PANK1: variants seen among roughly 807,000 people sequenced by gnomAD.
PANK1 encodes the protein pantothenate kinase 1.
A neutral mutation model predicts 40.1 loss-of-function variants in PANK1; 18 were observed. The observed-to-expected ratio is 0.45, with a 90% CI of 0.31 to 0.67. The LOEUF is 0.67. PANK1 is among the 30% of genes least tolerant of loss of function. The probability of loss-of-function intolerance (pLI) is 0.06; values close to 1 mark genes in which losing one functional copy is unlikely to be tolerated. For missense variants in PANK1, 457 were observed against 599.6 expected, an observed-to-expected ratio of 0.76 and a Z score of 2.48; for synonymous variants, 242 against 237.7, an observed-to-expected ratio of 1.02 and a Z score of -0.17.
At chr10:89,599,907 C>A (rs1564622180) in intron 2 of PANK1, among the ~76,000 whole-genome samples, 1 of 151,978 alleles carries the variant, frequency 6.6e-6, no homozygotes, top group African/African-American at 2.4e-5. Context: ...TTGGGGTGGG[C>A]CCTGAGTCCA....
rs1385155320 is a variant in PANK1 at position 89,592,715 on chromosome 10, G to C, written c.1200+482C>G. The C allele has an allele frequency of 7.5e-6, 4 of 533,990 alleles. No individual in the cohort carries two copies. In the African/African-American group the frequency reaches 7.7e-5, roughly 10 times the overall value. 33.1% of individuals were successfully genotyped at this position (533,990 alleles called of 1,614,324 possible). On this transcript the variant is annotated intron_variant, in intron 5 of 6. Coordinates refer to ENST00000307534, the MANE Select transcript of PANK1 (RefSeq NM_148977.3). ...CCAGCTCCACCCCTTTTTGTGCCTG[G>C]GACTCTGGCTGGCCTTGGCTGTAGC...
At position 89,583,708 on chromosome 10, in the gene PANK1, C is replaced by T. The variant is rs1163703022; in HGVS notation, c.*698G>A. ...TCATTAACACATTCAGTCTTCTCTT[C>T]ACGGGCATTTTCAAGAGCTTTAGAT... On this transcript the variant is annotated 3_prime_UTR_variant, in exon 7 of 7. Transcript: ENST00000307534. 2 of 152,276 alleles carry T rather than the reference C, an allele frequency of 1.3e-5. No homozygotes were observed. Among genetic ancestry groups the T allele is most frequent in the East Asian group, 3.9e-4 (2 of 5,192 alleles). 9.4% of individuals were successfully genotyped at this position (152,276 alleles called of 1,614,324 possible).
At chr10:89,594,685 T>A (rs1844511966) in intron 3 of PANK1, among the ~76,000 whole-genome samples, 1 of 152,188 alleles carries the variant, frequency 6.6e-6, no homozygotes, top group Non-Finnish European at 1.5e-5. Flanking sequence ...GTAACAAAGG[T>A]CATAAAGTGG....
At chr10:89,622,350 G>A (rs146447758) in intron 1 of PANK1, among the ~76,000 whole-genome samples, 35 of 152,204 alleles carry the variant, frequency 2.3e-4, no homozygotes, top group African/African-American at 7.9e-4. Flanking sequence ...TTAGTTATAA[G>A]GTAATTACCC....
chr10:89,599,212 A>G, intron 3 of PANK1, 40 bp downstream of exon 3: 1 of 1,575,524 alleles, frequency 6.3e-7, no homozygotes, highest in Non-Finnish European at 8.6e-7. Context: ...GGTCATCAAG[A>G]AAGAGGTCTG....
At chr10:89,628,764 C>T (rs1383684277) in intron 1 of PANK1, among the ~76,000 whole-genome samples, 5 of 152,188 alleles carry the variant, frequency 3.3e-5, no homozygotes, top group East Asian at 3.8e-4. Context: ...CTAAAATGCA[C>T]AACCCACTTC....
chr10:89,610,546 T>A (rs545002652), intron 2 of PANK1, among the ~76,000 whole-genome samples: 16 of 152,174 alleles, frequency 1.1e-4, no homozygotes, highest in Non-Finnish European at 1.6e-4. Context: ...TTACAGAAAC[T>A]TACTATAATC....
intron 1 of PANK1, among the ~76,000 whole-genome samples, chr10:89,640,239 A>T (rs963145318): frequency 2.0e-5 from 3 of 152,222 alleles, no homozygotes; most frequent in Admixed American, 2.0e-4. Context: ...GGGTAAATCG[A>T]AGCTACTGTC....
intron 1 of PANK1, among the ~76,000 whole-genome samples, chr10:89,624,840 T>C (rs1366818923): frequency 6.6e-6 from 1 of 152,220 alleles, no homozygotes; most frequent in African/African-American, 2.4e-5. Flanking sequence ...TAATTCTCAC[T>C]AGTCAAGTTC....
chr10:89,626,896 TG>T (rs1845675956), intron 1 of PANK1, among the ~76,000 whole-genome samples: 1 of 152,116 alleles, frequency 6.6e-6, no homozygotes. Context: ...AGAGCGTGCT[TG>T]CATACTCTAA....
intron 6 of PANK1, among the ~76,000 whole-genome samples, chr10:89,585,256 C>T (rs1229214108): frequency 6.6e-6 from 1 of 152,126 alleles, no homozygotes; most frequent in African/African-American, 2.4e-5. Context: ...ATGCTAATCC[C>T]ATTCATGAAG....
At chr10:89,618,040 G>A (rs1845373965) in intron 1 of PANK1, among the ~76,000 whole-genome samples, 1 of 152,186 alleles carries the variant, frequency 6.6e-6, no homozygotes, top group Non-Finnish European at 1.5e-5. Flanking sequence ...CAATCAGAGA[G>A]TCTACTAGGA....
chr10:89,636,539 C>A (rs1252687199), intron 1 of PANK1, among the ~76,000 whole-genome samples: 4 of 152,008 alleles, frequency 2.6e-5, no homozygotes, highest in Admixed American at 2.6e-4. Flanking sequence ...GCAACCTCCA[C>A]CTCGTGGGTT....
Position 89,594,848 on chromosome 10 carries a change from A to G in PANK1, c.900-859T>C, listed in dbSNP as rs557370827. Among the ~76,000 whole-genome samples, 65 of 152,374 alleles carry G rather than the reference A, an allele frequency of 4.3e-4. No individual in the cohort carries two copies. The South Asian group carries it at 0.013, about 30-fold the overall frequency. On this transcript the variant is annotated intron_variant, in intron 3 of 6. Transcript: ENST00000307534. The stretch of plus-strand genomic sequence containing the variant: ...AAAGTTACCTAATGGAAAGAAAAGC[A>G]GATTCAGAGTAAAGTATCGCCAGTG...
At chr10:89,638,392 G>C (rs1371367776) in intron 1 of PANK1, among the ~76,000 whole-genome samples, 1 of 152,154 alleles carries the variant, frequency 6.6e-6, no homozygotes, top group Non-Finnish European at 1.5e-5. Context: ...TTGTCCTAAT[G>C]AACAGCCTCT....
intron 1 of PANK1, among the ~76,000 whole-genome samples, chr10:89,619,422 T>C (rs1265777648): frequency 6.6e-6 from 1 of 152,146 alleles, no homozygotes; most frequent in African/African-American, 2.4e-5. Flanking sequence ...GAGGAAACAA[T>C]TTTAAAAAGC....
intron 1 of PANK1, among the ~76,000 whole-genome samples, chr10:89,624,009 C>A (rs1040683987): frequency 1.3e-5 from 2 of 152,232 alleles, no homozygotes; most frequent in Non-Finnish European, 2.9e-5. Context: ...CTGTCACAAC[C>A]TTGTGTGACA....
chr10:89,606,945 T>C (rs901304647), intron 2 of PANK1, among the ~76,000 whole-genome samples: 1 of 152,250 alleles, frequency 6.6e-6, no homozygotes, highest in South Asian at 2.1e-4. Flanking sequence ...GTTTGATCTT[T>C]AATCCAGATG....
chr10:89,644,863 C>T lies in PANK1; in HGVS notation c.29G>A (p.Arg10His). Reference protein sequence around the residue: MGDRSGQQERSVPHSPGAPV... With the variant: MGDRSGQQEHSVPHSPGAPV... ...GGCCCCTGGAGAGTGCGGGACCGAG[C>T]GCTCCTGCTGCCCGCTGCGGTCGCC... Residue 10 changes from arginine to histidine, a missense_variant, in exon 1 of 7, where the codon CGC (arginine) becomes CAC (histidine). Arg to His is a conservative substitution (Grantham distance 29). Around this residue, in one of 4 missense-constraint regions of PANK1, gnomAD observed 144 missense variants for 131.2 expected, o/e 1.10. Coordinates refer to ENST00000307534, the MANE Select transcript of PANK1 (RefSeq NM_148977.3). 8 of 1,479,206 alleles carry T rather than the reference C, an allele frequency of 5.4e-6. No individual in the cohort carries two copies. Among genetic ancestry groups the T allele is most frequent in the Non-Finnish European group, 7.1e-6 (8 of 1,121,298 alleles). The allele number at this position is 1,479,206 out of a possible 1,614,324, so 91.6% of individuals were successfully genotyped here.
Sources: allele counts gnomAD v4.1 joint callset (sites outside exome capture counted in the v4.1 genomes callset), GRCh38; gene constraint gnomAD v4.1.1; regional missense constraint gnomAD v4.1.1; transcripts MANE v1.5; gene names NCBI Gene and HGNC (gene_info 2026-07-23, HGNC 2026-07-21).